Variants in TMEM74 observed in about 807,000 individuals in gnomAD.
TMEM74 encodes transmembrane protein 74.
A neutral mutation model predicts 18.1 loss-of-function variants in TMEM74; 13 were observed. That is an observed-to-expected ratio of 0.72 (90% CI 0.47 to 1.14). The LOEUF (loss-of-function observed/expected upper bound fraction) is 1.14, where lower values mean the gene tolerates loss of function less well. Ranked by LOEUF, TMEM74 falls within the 50% of genes most tolerant of loss-of-function variation. TMEM74 has a pLI of 0.00. For synonymous variants in TMEM74, 159 were observed against 146.6 expected (o/e 1.08, Z -0.61); for missense variants, 372 against 375.9 (o/e 0.99, Z 0.09).
chr8:108,616,863 C>G (rs1812388852), intron 2 of TMEM74, among the ~76,000 whole-genome samples: 1 of 151,792 alleles, frequency 6.6e-6, no homozygotes, highest in African/African-American at 2.4e-5. Flanking sequence ...AATGATCCCC[C>G]TTAGATGATT....
chr8:108,781,184 T>G lies in TMEM74; in HGVS notation c.*2997A>C, dbSNP rs932642556. 2.6e-5 allele frequency among the ~76,000 whole-genome samples: 4 copies of G among 152,186 alleles called. No homozygotes were observed. Among genetic ancestry groups the G allele is most frequent in the Non-Finnish European group, 4.4e-5 (3 of 68,036 alleles). ...CTAAAGACCTAGAACCACTGAAATA[T>G]GTTTTTCTTCTCTAGGACTAGCAAT... On this transcript the variant is annotated 3_prime_UTR_variant, in exon 2 of 2. Transcript: ENST00000297459.
At chr8:108,696,749 G>A (rs1214720622) in intron 1 of TMEM74, among the ~76,000 whole-genome samples, 1 of 152,190 alleles carries the variant, frequency 6.6e-6, no homozygotes, top group Admixed American at 6.5e-5. Flanking sequence ...CAGCAATTAA[G>A]TAAATCTCAC....
At chr8:108,756,010 A>T (rs1184137031) in intron 1 of TMEM74, among the ~76,000 whole-genome samples, 1 of 152,070 alleles carries the variant, frequency 6.6e-6, no homozygotes, top group Non-Finnish European at 1.5e-5. Context: ...GTATATTTTA[A>T]TCACATGCAA....
At chr8:108,699,985 C>A (rs905387865) in intron 1 of TMEM74, among the ~76,000 whole-genome samples, 1 of 152,024 alleles carries the variant, frequency 6.6e-6, no homozygotes, top group Non-Finnish European at 1.5e-5. Context: ...CAATTGAAAG[C>A]AAGACCATTT....
intron 1 of TMEM74, among the ~76,000 whole-genome samples, chr8:108,767,755 T>G (rs533432459): frequency 6.6e-6 from 1 of 152,276 alleles, no homozygotes; most frequent in East Asian, 1.9e-4. Flanking sequence ...TTATATTTTC[T>G]TCTCTTTCTT....
chr8:108,737,991 C>A (rs1325006854), intron 1 of TMEM74, among the ~76,000 whole-genome samples: 1 of 152,132 alleles, frequency 6.6e-6, no homozygotes, highest in Non-Finnish European at 1.5e-5. Context: ...ATTTTTCTAT[C>A]ATGATTTTCA....
chr8:108,755,608 A>T (rs1813951792), intron 1 of TMEM74, among the ~76,000 whole-genome samples: 1 of 152,096 alleles, frequency 6.6e-6, no homozygotes, highest in African/African-American at 2.4e-5. Flanking sequence ...TATTAAAATA[A>T]CTCATCCAAA....
intron 1 of TMEM74, among the ~76,000 whole-genome samples, chr8:108,746,153 T>C (rs929929548): frequency 2.0e-5 from 3 of 152,146 alleles, no homozygotes; most frequent in African/African-American, 7.2e-5. Context: ...TTGATGAGAT[T>C]CCTGCTTGCC....
intron 1 of TMEM74, among the ~76,000 whole-genome samples, chr8:108,671,517 G>T (rs752944529): frequency 2.6e-5 from 4 of 152,114 alleles, no homozygotes; most frequent in African/African-American, 4.8e-5. Context: ...TGTTAAGAGG[G>T]TTTTCACAAC....
At chr8:108,650,626 C>G (rs1159059864) in intron 2 of TMEM74, among the ~76,000 whole-genome samples, 1 of 152,112 alleles carries the variant, frequency 6.6e-6, no homozygotes, top group Non-Finnish European at 1.5e-5. Context: ...ACAGTCTTCT[C>G]CATGAAATTT....
At chr8:108,635,621 A>C (rs149327356) in intron 2 of TMEM74, among the ~76,000 whole-genome samples, 1 of 152,072 alleles carries the variant, frequency 6.6e-6, no homozygotes, top group African/African-American at 2.4e-5. Flanking sequence ...TTAATATCAT[A>C]TCTCTCCTCA....
At chr8:108,734,921 A>T (rs1813730609) in intron 1 of TMEM74, among the ~76,000 whole-genome samples, 2 of 152,190 alleles carry the variant, frequency 1.3e-5, no homozygotes, top group Non-Finnish European at 2.9e-5. Context: ...CACAACAAAC[A>T]TCAATACTTG....
intron 1 of TMEM74, among the ~76,000 whole-genome samples, chr8:108,690,449 T>C (rs987522842): frequency 5.3e-5 from 8 of 152,154 alleles, no homozygotes; most frequent in African/African-American, 1.9e-4. Flanking sequence ...GTGATAGTCA[T>C]TGGCAACAGA....
At chr8:108,749,081 C>A (rs1290330210) in intron 1 of TMEM74, among the ~76,000 whole-genome samples, 1 of 152,008 alleles carries the variant, frequency 6.6e-6, no homozygotes, top group Non-Finnish European at 1.5e-5. Context: ...TAGTGTGACA[C>A]CTCCAGTTTT....
intron 2 of TMEM74, among the ~76,000 whole-genome samples, chr8:108,640,202 G>A (rs1366421854): frequency 1.4e-5 from 2 of 140,020 alleles, no homozygotes; most frequent in Non-Finnish European, 3.0e-5. Context: ...GTGTGATCTC[G>A]GCTCTCTCTA....
intron 1 of TMEM74, among the ~76,000 whole-genome samples, chr8:108,657,903 T>TATG (rs1563742380): frequency 1.8e-5 from 2 of 113,936 alleles, no homozygotes; most frequent in African/African-American, 6.9e-5. Flanking sequence ...TATATATATA[T>TATG]TAATTACATA....
At chr8:108,657,053 A>G (rs914975087) in intron 1 of TMEM74, among the ~76,000 whole-genome samples, 1 of 152,180 alleles carries the variant, frequency 6.6e-6, no homozygotes, top group African/African-American at 2.4e-5. Context: ...AGTGCATTTT[A>G]TAATATTCAC....
At chr8:108,767,799 C>T (rs1009375734) in intron 1 of TMEM74, among the ~76,000 whole-genome samples, 1 of 151,956 alleles carries the variant, frequency 6.6e-6, no homozygotes, top group African/African-American at 2.4e-5. Flanking sequence ...TATTATTAAG[C>T]TTTGGTCTAA....
In TMEM74 at chr8:108,784,985, A is replaced by T; in HGVS notation, c.114T>A (p.Ala38=). Residue 38 remains alanine, a synonymous_variant, in exon 2 of 2, where the codon GCT becomes GCA. Transcript: ENST00000297459. ...GDQADTAATR[A]ALCCQKQCAS... ...CACACTGTTTCTGACAGCAGAGAGC[A>T]GCTCTTGTGGCTGCTGTATCTGCCT... 1 of 1,614,138 alleles carries T rather than the reference A, an allele frequency of 6.2e-7. No homozygotes were observed. The highest frequency in any genetic ancestry group is 8.5e-7 in the Non-Finnish European group (1 of 1,180,030).
Sources: gnomAD v4.1 joint callset for allele counts (sites outside exome capture counted in the v4.1 genomes callset) on GRCh38, gnomAD v4.1.1 for gene constraint, MANE v1.5 for transcripts, NCBI Gene and HGNC (gene_info 2026-07-23, HGNC 2026-07-21) for gene names.